Variants in CYP4X1 observed in about 807,000 individuals in gnomAD.
The protein encoded by CYP4X1 is cytochrome P450 4X1.
A neutral mutation model predicts 57.9 loss-of-function variants in CYP4X1; 44 were observed. That is an observed-to-expected ratio of 0.76 (90% CI 0.60 to 0.98). CYP4X1 has a LOEUF of 0.98. Ranked by LOEUF, CYP4X1 falls within the 50% of genes least tolerant of loss-of-function variation. The probability of loss-of-function intolerance (pLI) is 0.00; values close to 1 mark genes in which losing one functional copy is unlikely to be tolerated. For missense variants in CYP4X1, 532 were observed against 623.9 expected, an observed-to-expected ratio of 0.85 and a Z score of 1.57; for synonymous variants, 227 against 228.6, an observed-to-expected ratio of 0.99 and a Z score of 0.06.
chr1:47,023,887 C>G lies in CYP4X1; in HGVS notation c.70C>G (p.Leu24Val). 1.2e-6 allele frequency: 2 copies of G among 1,613,740 alleles called. No individual in the cohort carries two copies. The highest frequency in any genetic ancestry group is 1.1e-5 in the South Asian group (1 of 91,054). The change falls in exon 1 of 12, where the codon CTG becomes GTG. Residue 24 changes from leucine (L) to valine (V), a missense_variant. Coordinates refer to ENST00000371901, the MANE Select transcript of CYP4X1 (RefSeq NM_178033.2). ...CCTGGCGTTCGTGTTCTGCCTGGCC[C>G]TGGGGCTGCTGCAGGCCATTAAGCT... ...FYLAFVFCLALGLLQAIKLYL... is the reference protein window; with the variant it reads ...FYLAFVFCLAVGLLQAIKLYL...
intron 4 of CYP4X1, among the ~76,000 whole-genome samples, chr1:47,034,651 C>T (rs147083247): frequency 1.1e-3 from 171 of 152,256 alleles, no homozygotes; most frequent in African/African-American, 3.9e-3. Context: ...AGTGTGAGTT[C>T]TCAAGGCAGA....
At chr1:47,008,939 CAA>C in the CYP4X1 span, among the ~76,000 whole-genome samples, 1 of 152,174 alleles carries the variant, frequency 6.6e-6, no homozygotes, top group African/African-American at 2.4e-5. Context: ...TAGAGACCTA[CAA>C]AGAGACTTAG....
the CYP4X1 span, among the ~76,000 whole-genome samples, chr1:46,967,204 A>G: frequency 6.6e-6 from 1 of 152,240 alleles, no homozygotes; most frequent in Non-Finnish European, 1.5e-5. Context: ...CTAGGAGCTG[A>G]AAAAGTGGAA....
the CYP4X1 span, among the ~76,000 whole-genome samples, chr1:46,987,513 T>A: frequency 6.6e-6 from 1 of 152,174 alleles, no homozygotes; most frequent in African/African-American, 2.4e-5. Context: ...GGACTTGAAC[T>A]CAGCTCTGCA....
intron 3 of CYP4X1, among the ~76,000 whole-genome samples, chr1:47,032,710 C>T (rs752527464): frequency 1.3e-5 from 2 of 152,084 alleles, no homozygotes; most frequent in Non-Finnish European, 2.9e-5. Flanking sequence ...ACAGAGTGGA[C>T]ACTCTTGTCT....
At chr1:47,035,771 G>C (rs566167159) in intron 4 of CYP4X1, 35 bp from the exon 5 acceptor site, 2 of 1,596,746 alleles carry the variant, frequency 1.3e-6, no homozygotes, top group South Asian at 2.3e-5. Context: ...GGTCATGGTG[G>C]TGGTGATGAT....
chr1:47,011,892 TAA>T, the CYP4X1 span, among the ~76,000 whole-genome samples: 3 of 152,154 alleles, frequency 2.0e-5, no homozygotes, highest in Admixed American at 6.6e-5. Context: ...TGGCGATCAT[TAA>T]AAAGTCAGGA....
In CYP4X1 at chr1:47,038,526, A is replaced by G. The variant is rs754362142; in HGVS notation, c.776-134A>G. On this transcript the variant is annotated intron_variant, in intron 6 of 11. Coordinates refer to ENST00000371901, the MANE Select transcript of CYP4X1 (RefSeq NM_178033.2). ...AGTCCCTTTGATGAGAAAATAAACC[A>G]TCTGTGAAAATTAGATCTATTTAAA... 108 of 493,994 alleles carry G rather than the reference A, an allele frequency of 2.2e-4. 1 individual carries two copies. The highest frequency in any genetic ancestry group is 9.0e-4 in the Middle Eastern group (3 of 3,342). 30.6% of individuals were successfully genotyped at this position (493,994 alleles called of 1,614,324 possible). A position where few individuals can be genotyped will look rare whatever the true frequency, so the allele number is the denominator to read the frequency against.
chr1:47,003,771 G>A, the CYP4X1 span, among the ~76,000 whole-genome samples: 4 of 152,060 alleles, frequency 2.6e-5, no homozygotes, highest in African/African-American at 7.2e-5. Flanking sequence ...AACACCTCCC[G>A]CCAGGACCCA....
chr1:46,973,684 T>C, the CYP4X1 span, among the ~76,000 whole-genome samples: 2 of 152,176 alleles, frequency 1.3e-5, no homozygotes, highest in Non-Finnish European at 2.9e-5. Flanking sequence ...AATTTATCCA[T>C]TTATTCTAGG....
the CYP4X1 span, among the ~76,000 whole-genome samples, chr1:46,992,937 CT>C: frequency 3.5e-3 from 539 of 152,200 alleles, 4 homozygotes; most frequent in African/African-American, 0.012. Flanking sequence ...TATAGACTTC[CT>C]TTTTTTATTA....
intron 4 of CYP4X1, among the ~76,000 whole-genome samples, chr1:47,034,272 A>T (rs1469099668): frequency 6.6e-6 from 1 of 152,188 alleles, no homozygotes; most frequent in Non-Finnish European, 1.5e-5. Context: ...AAAGTTGCAG[A>T]TGTGAATTTC....
At chr1:46,985,045 G>A in the CYP4X1 span, among the ~76,000 whole-genome samples, 1 of 152,164 alleles carries the variant, frequency 6.6e-6, no homozygotes, top group African/African-American at 2.4e-5. Flanking sequence ...CCATTACTAA[G>A]GCTTGAGTAG....
At chr1:46,993,298 T>C in the CYP4X1 span, among the ~76,000 whole-genome samples, 1 of 152,122 alleles carries the variant, frequency 6.6e-6, no homozygotes, top group Non-Finnish European at 1.5e-5. Flanking sequence ...TTCCATGGTG[T>C]AGATGTGCCA....
At chr1:46,998,580 T>A in the CYP4X1 span, among the ~76,000 whole-genome samples, 1 of 152,206 alleles carries the variant, frequency 6.6e-6, no homozygotes, top group Non-Finnish European at 1.5e-5. Flanking sequence ...AGATCTTTAG[T>A]TTTATTAAGT....
Position 47,028,803 on chromosome 1 carries a change from G to A in CYP4X1, c.178-1187G>A, listed in dbSNP as rs373168622. Among the ~76,000 whole-genome samples, 15 of 152,270 alleles carry A rather than the reference G, an allele frequency of 9.9e-5. No homozygotes were observed. In the South Asian group the frequency reaches 2.5e-3, roughly 25 times the overall value. On this transcript the variant is annotated intron_variant, in intron 1 of 11. Transcript: ENST00000371901. ...TCTCTGTATCTCTACCACCTGGTACGTGTGATAGACAATAAATACTTGTGT... is the reference window on the plus strand; with the variant it reads ...TCTCTGTATCTCTACCACCTGGTACATGTGATAGACAATAAATACTTGTGT...
upstream of CYP4X1, among the ~76,000 whole-genome samples, chr1:47,023,162 A>G (rs1308196275): frequency 6.6e-6 from 1 of 152,230 alleles, no homozygotes; most frequent in African/African-American, 2.4e-5. Flanking sequence ...AGATTCATAA[A>G]TTATATAGCA....
In CYP4X1 at chr1:47,050,007, A is replaced by G; in HGVS notation, c.1363A>G (p.Ile455Val). Reference protein sequence around the residue: ...LPFSAGSRNCIGQEFAMIELK... With the variant: ...LPFSAGSRNCVGQEFAMIELK... ...TTTCCCTCTTGTCTTCAGGAACTGC[A>G]TTGGGCAGGAGTTTGCCATGATTGA... Residue 455 changes from isoleucine to valine, a missense_variant, in exon 12 of 12, where the codon ATT becomes GTT. Coordinates refer to ENST00000371901, the MANE Select transcript of CYP4X1 (RefSeq NM_178033.2). 6.2e-7 allele frequency: 1 copy of G among 1,613,214 alleles called. No individual in the cohort carries two copies. The highest frequency in any genetic ancestry group is 8.5e-7 in the Non-Finnish European group (1 of 1,179,808).
intron 3 of CYP4X1, among the ~76,000 whole-genome samples, chr1:47,032,699 G>A (rs958725316): frequency 3.3e-5 from 5 of 152,114 alleles, no homozygotes; most frequent in African/African-American, 1.2e-4. Context: ...AATATCAGGG[G>A]ACAGAGTGGA....
Sources: gnomAD v4.1 joint callset for allele counts (sites outside exome capture counted in the v4.1 genomes callset) on GRCh38, gnomAD v4.1.1 for gene constraint, MANE v1.5 for transcripts, NCBI Gene and HGNC (gene_info 2026-07-23, HGNC 2026-07-21) for gene names.